The following NR2F1-AS1 variants were observed in gnomAD, a reference collection of about 807,000 sequenced individuals.
NR2F1-AS1 encodes the protein NR2F1 antisense RNA 1.
chr5:93,425,270 A>G (rs1443420541), intron 4 of NR2F1-AS1, among the ~76,000 whole-genome samples: 1 of 152,166 alleles, frequency 6.6e-6, no homozygotes, highest in Non-Finnish European at 1.5e-5. Context: ...CATGTTTAGC[A>G]GTTCGATGAC....
intron 4 of NR2F1-AS1, among the ~76,000 whole-genome samples, chr5:93,484,368 G>A (rs1043209628): frequency 2.0e-5 from 3 of 152,240 alleles, no homozygotes; most frequent in Non-Finnish European, 4.4e-5. Context: ...ATAAGCAAAG[G>A]AGAAATAAAA....
At chr5:93,544,157 AGAT>A (rs1160249544) in intron 4 of NR2F1-AS1, 1 of 152,102 alleles carries the variant, frequency 6.6e-6, no homozygotes, top group Non-Finnish European at 1.5e-5. Context: ...TTAAAACTAA[AGAT>A]AAGTGGGAAC....
At chr5:93,440,817 G>A in intron 4 of NR2F1-AS1, among the ~76,000 whole-genome samples, 1 of 152,058 alleles carries the variant, frequency 6.6e-6, no homozygotes, top group South Asian at 2.1e-4. Flanking sequence ...CTTTCATGAG[G>A]AAAAATAAAT....
chr5:93,557,732 A>T (rs1281238433), intron 2 of NR2F1-AS1, among the ~76,000 whole-genome samples: 1 of 152,206 alleles, frequency 6.6e-6, no homozygotes, highest in Non-Finnish European at 1.5e-5. Context: ...ATAAGACAAT[A>T]AAGTTTGCCC....
chr5:93,484,098 G>C (rs2149876566), intron 4 of NR2F1-AS1, among the ~76,000 whole-genome samples: 1 of 152,252 alleles, frequency 6.6e-6, no homozygotes, highest in South Asian at 2.1e-4. Context: ...GAAATACACA[G>C]AACATCACAA....
At chr5:93,490,347 AC>A (rs1269278004) in intron 4 of NR2F1-AS1, among the ~76,000 whole-genome samples, 14 of 152,268 alleles carry the variant, frequency 9.2e-5, no homozygotes, top group African/African-American at 2.9e-4. Context: ...GTAAACTGTC[AC>A]AAAAACTTTT....
chr5:93,424,237 C>T (rs1164808176), intron 4 of NR2F1-AS1, among the ~76,000 whole-genome samples: 2 of 152,124 alleles, frequency 1.3e-5, no homozygotes, highest in South Asian at 2.1e-4. Context: ...CCCAGACCCA[C>T]GTCCAAATGC....
chr5:93,497,363 C>T (rs1750983226), intron 4 of NR2F1-AS1, among the ~76,000 whole-genome samples: 2 of 152,294 alleles, frequency 1.3e-5, no homozygotes, highest in African/African-American at 4.8e-5. Context: ...GATTAAAACT[C>T]TGGCTGGCTG....
intron 4 of NR2F1-AS1, among the ~76,000 whole-genome samples, chr5:93,540,998 G>A (rs1164603780): frequency 6.6e-6 from 1 of 152,086 alleles, no homozygotes; most frequent in African/African-American, 2.4e-5. Flanking sequence ...ACTTTCCAAC[G>A]TTAGCCCTCA....
chr5:93,575,472 T>C (rs192684009), intron 1 of NR2F1-AS1, among the ~76,000 whole-genome samples: 26 of 152,348 alleles, frequency 1.7e-4, no homozygotes, highest in Non-Finnish European at 1.3e-4. Flanking sequence ...GTAAAACTTT[T>C]AAACTGCCTA....
intron 4 of NR2F1-AS1, among the ~76,000 whole-genome samples, chr5:93,463,316 C>A (rs958049647): frequency 2.6e-5 from 4 of 152,168 alleles, no homozygotes; most frequent in Admixed American, 1.3e-4. Flanking sequence ...CCTGTGGGTA[C>A]ACAGAAGTAA....
chr5:93,450,520 C>T (rs1320545153), intron 4 of NR2F1-AS1, among the ~76,000 whole-genome samples: 2 of 152,114 alleles, frequency 1.3e-5, no homozygotes, highest in Non-Finnish European at 2.9e-5. Flanking sequence ...TTTTCCTTAA[C>T]ATTTCTTATA....
At chr5:93,441,009 T>C (rs1749556991) in intron 4 of NR2F1-AS1, among the ~76,000 whole-genome samples, 1 of 152,240 alleles carries the variant, frequency 6.6e-6, no homozygotes. Flanking sequence ...ATTAACTATA[T>C]GCTGCTAATA....
intron 4 of NR2F1-AS1, among the ~76,000 whole-genome samples, chr5:93,445,807 T>C (rs1405777695): frequency 1.3e-5 from 2 of 152,090 alleles, no homozygotes; most frequent in African/African-American, 4.8e-5. Flanking sequence ...CTCAATAAAA[T>C]ACTGGCAAAC....
intron 4 of NR2F1-AS1, among the ~76,000 whole-genome samples, chr5:93,525,221 T>TA (rs1324491816): frequency 1.3e-5 from 2 of 151,944 alleles, no homozygotes; most frequent in East Asian, 3.9e-4. Context: ...TAGTCTCTGA[T>TA]AAAACAGACT....
intron 4 of NR2F1-AS1, among the ~76,000 whole-genome samples, chr5:93,510,028 A>T (rs972256322): frequency 2.0e-5 from 3 of 152,082 alleles, no homozygotes; most frequent in African/African-American, 7.2e-5. Flanking sequence ...ATTTTCAAAG[A>T]TCCAACCAAA....
chr5:93,551,931 C>A (rs1474742922), intron 4 of NR2F1-AS1, among the ~76,000 whole-genome samples: 1 of 152,168 alleles, frequency 6.6e-6, no homozygotes, highest in Non-Finnish European at 1.5e-5. Flanking sequence ...GTTTTCCACA[C>A]TGAATATTCC....
At chr5:93,484,638 T>G (rs1160622968) in intron 4 of NR2F1-AS1, among the ~76,000 whole-genome samples, 1 of 152,096 alleles carries the variant, frequency 6.6e-6, no homozygotes, top group Admixed American at 6.5e-5. Flanking sequence ...AATTCCCCTC[T>G]TAAAAGACAC....
At chr5:93,474,404 T>C (rs1315660596) in intron 4 of NR2F1-AS1, among the ~76,000 whole-genome samples, 3 of 152,210 alleles carry the variant, frequency 2.0e-5, no homozygotes. Context: ...TGAAGTTACA[T>C]CTTTCAGCAG....
Sources: gnomAD v4.1 joint callset for allele counts (sites outside exome capture counted in the v4.1 genomes callset) on GRCh38, gnomAD v4.1.1 for gene constraint, MANE v1.5 for transcripts, NCBI Gene and HGNC (gene_info 2026-07-23, HGNC 2026-07-21) for gene names.